The following ARFIP1 variants were observed in gnomAD, a reference collection of about 807,000 sequenced individuals.
ARFIP1 encodes arfaptin-1.
A neutral mutation model predicts 42.5 loss-of-function variants in ARFIP1; 24 were observed. The ratio of observed to expected loss-of-function variants is 0.57; its 90% CI spans 0.41 to 0.80. The LOEUF (loss-of-function observed/expected upper bound fraction) is 0.80. ARFIP1 is among the 30% of genes least tolerant of loss of function. ARFIP1 has a pLI of 0.00. For missense variants in ARFIP1, 354 were observed against 434.0 expected (o/e 0.82, Z 1.64); for synonymous variants, 141 against 153.7 (o/e 0.92, Z 0.61).
intron 2 of ARFIP1, among the ~76,000 whole-genome samples, chr4:152,834,674 A>G (rs1731512141): frequency 6.6e-6 from 1 of 152,196 alleles, no homozygotes; most frequent in African/African-American, 2.4e-5. Context: ...CCCAGCCTCC[A>G]TGGCTGCTCT....
At chr4:152,894,217 A>C (rs1236661215) in intron 8 of ARFIP1, among the ~76,000 whole-genome samples, 1 of 151,862 alleles carries the variant, frequency 6.6e-6, no homozygotes, top group Non-Finnish European at 1.5e-5. Flanking sequence ...CAAAAAAAAA[A>C]AAAAAGAAAG....
rs370785669 is a variant in ARFIP1 at position 152,790,662 on chromosome 4, A to G, written c.-10+10436A>G. 6.7e-4 allele frequency among the ~76,000 whole-genome samples: 102 copies of G among 151,804 alleles called. 5 individuals are homozygous for G. The South Asian group carries it at 0.021, about 31-fold the overall frequency. ...TTTTAAATTGTTTCTTATTATGCAT[A>G]TAATTCAGAAGTAACTATTTTGTCA... is the stretch of plus-strand genomic sequence containing the variant. On this transcript the variant is annotated intron_variant, in intron 1 of 8. Transcript: ENST00000353617.
At chr4:152,789,913 C>G (rs1276273220) in intron 1 of ARFIP1, among the ~76,000 whole-genome samples, 1 of 152,180 alleles carries the variant, frequency 6.6e-6, no homozygotes, top group Admixed American at 6.5e-5. Flanking sequence ...TTACCTACCA[C>G]AGGCCTAGAA....
At chr4:152,866,980 C>T (rs1391804533) in intron 3 of ARFIP1, among the ~76,000 whole-genome samples, 1 of 151,368 alleles carries the variant, frequency 6.6e-6, no homozygotes, top group South Asian at 2.1e-4. Context: ...GATGGGATGG[C>T]GGCCGGGCAG....
intron 2 of ARFIP1, among the ~76,000 whole-genome samples, chr4:152,844,065 G>A (rs891879633): frequency 6.6e-6 from 1 of 152,160 alleles, no homozygotes; most frequent in Non-Finnish European, 1.5e-5. Flanking sequence ...TGGCCTGCTA[G>A]GGGACCCAGC....
chr4:152,841,862 G>C (rs143729489), intron 2 of ARFIP1, among the ~76,000 whole-genome samples: 6 of 152,164 alleles, frequency 3.9e-5, no homozygotes, highest in African/African-American at 1.4e-4. Context: ...CACATGCTCC[G>C]ATGTTAATGA....
intron 1 of ARFIP1, among the ~76,000 whole-genome samples, chr4:152,828,951 A>G (rs1429174442): frequency 1.3e-5 from 2 of 152,202 alleles, no homozygotes; most frequent in Non-Finnish European, 2.9e-5. Context: ...GTCCAGCACC[A>G]TTATTCCAGC....
chr4:152,780,656 C>T, intron 1 of ARFIP1, among the ~76,000 whole-genome samples: 1 of 152,262 alleles, frequency 6.6e-6, no homozygotes, highest in South Asian at 2.1e-4. Flanking sequence ...GAGATAGTGA[C>T]AGTCCCTCTG....
intron 1 of ARFIP1, among the ~76,000 whole-genome samples, chr4:152,782,136 A>C (rs558322937): frequency 6.6e-6 from 1 of 151,184 alleles, no homozygotes. Context: ...TGCTTTCCCA[A>C]ACTGTGCAAA....
chr4:152,894,497 T>C lies in ARFIP1; in HGVS notation c.966+6190T>C, dbSNP rs969455559. 5.3e-5 allele frequency among the ~76,000 whole-genome samples: 8 copies of C among 152,194 alleles called. No individual in the cohort carries two copies. In the East Asian group the frequency reaches 1.5e-3, roughly 29 times the overall value. ...TATTTCTTCTTGAGTACTTTAAAAATATTCATGCCAGTGACTTAATGTCAC... is the reference window on the plus strand; with the variant it reads ...TATTTCTTCTTGAGTACTTTAAAAACATTCATGCCAGTGACTTAATGTCAC... On this transcript the variant is annotated intron_variant, in intron 8 of 8. Coordinates refer to ENST00000353617, the MANE Select transcript of ARFIP1 (RefSeq NM_001025595.3).
chr4:152,824,970 CACAT>C (rs968940826), intron 1 of ARFIP1, among the ~76,000 whole-genome samples: 5 of 151,494 alleles, frequency 3.3e-5, no homozygotes, highest in African/African-American at 7.3e-5. Flanking sequence ...ACGCACACCA[CACAT>C]ACATACACAC....
chr4:152,901,564 A>G lies in ARFIP1; in HGVS notation c.967-8500A>G, dbSNP rs182195507. On this transcript the variant is annotated intron_variant, in intron 8 of 8. Transcript: ENST00000353617. ...ATAAGTGAGTTTGTAATGATTTAGT[A>G]TATTTCTAAATTGCTGTAATTGTTT... Among the ~76,000 whole-genome samples, 55 of 152,312 alleles carry G rather than the reference A, an allele frequency of 3.6e-4. No individual in the cohort carries two copies. In the East Asian group the frequency reaches 9.4e-3, roughly 26 times the overall value.
At chr4:152,804,428 A>C in intron 1 of ARFIP1, among the ~76,000 whole-genome samples, 1 of 109,278 alleles carries the variant, frequency 9.2e-6, no homozygotes, top group East Asian at 2.4e-4. Flanking sequence ...TATATTATAT[A>C]TAATATAACA....
At chr4:152,824,023 C>T (rs972304019) in intron 1 of ARFIP1, among the ~76,000 whole-genome samples, 2 of 151,868 alleles carry the variant, frequency 1.3e-5, no homozygotes, top group African/African-American at 4.8e-5. Context: ...AAAAATAATT[C>T]CCCATGAGGC....
chr4:152,842,638 T>A (rs550286374), intron 2 of ARFIP1, among the ~76,000 whole-genome samples: 3 of 152,292 alleles, frequency 2.0e-5, no homozygotes, highest in African/African-American at 7.2e-5. Context: ...CTTTGTTGGA[T>A]TGGGTTAATT....
At chr4:152,796,176 A>G in intron 1 of ARFIP1, 2 of 761,274 alleles carry the variant, frequency 2.6e-6, no homozygotes, top group Non-Finnish European at 4.8e-6. Context: ...CTTCACTCAC[A>G]TTTACCTCAG....
rs1738845288 is a variant in ARFIP1 at position 152,911,521 on chromosome 4, C to G, written c.*1302C>G. 6.6e-6 allele frequency: 1 copy of G among 152,468 alleles called. No homozygotes were observed. The highest frequency in any genetic ancestry group is 2.4e-5 in the African/African-American group (1 of 41,432). The allele number at this position is 152,468 out of a possible 1,614,324, so 9.4% of individuals were successfully genotyped here. A position where few individuals can be genotyped will look rare whatever the true frequency, so the allele number is the denominator to read the frequency against. On this transcript the variant is annotated 3_prime_UTR_variant, in exon 9 of 9. Transcript: ENST00000353617. ...ACATGGTTCTATCAGTAGTGTAATC[C>G]ATTTTCAATGTAAAGCTCTTTTAGT...
At chr4:152,885,245 A>G (rs1252963973) in intron 7 of ARFIP1, among the ~76,000 whole-genome samples, 1 of 152,070 alleles carries the variant, frequency 6.6e-6, no homozygotes, top group African/African-American at 2.4e-5. Context: ...GGCAAGGGTC[A>G]TCTATTTGAT....
chr4:152,851,690 G>T (rs1279067858), intron 2 of ARFIP1, among the ~76,000 whole-genome samples: 12 of 152,238 alleles, frequency 7.9e-5, no homozygotes, highest in African/African-American at 2.6e-4. Flanking sequence ...TAGAGACATG[G>T]GAAACAAGTT....
Sources: gnomAD v4.1 joint callset for allele counts (sites outside exome capture counted in the v4.1 genomes callset) on GRCh38, gnomAD v4.1.1 for gene constraint, MANE v1.5 for transcripts, NCBI Gene and HGNC (gene_info 2026-07-23, HGNC 2026-07-21) for gene names.